Variants in FRMPD4 observed in about 807,000 individuals in gnomAD.
The protein encoded by FRMPD4 is FERM and PDZ domain-containing protein 4.
A neutral mutation model predicts 94.1 loss-of-function variants in FRMPD4; 22 were observed. That is an observed-to-expected ratio of 0.23 (90% CI 0.17 to 0.33). FRMPD4 has a LOEUF of 0.33. Among genes scored for constraint, FRMPD4 ranks in the 10% least tolerant of loss-of-function variants. The probability of loss-of-function intolerance (pLI) is 1.00; values close to 1 mark genes in which losing one functional copy is unlikely to be tolerated. For synonymous variants in FRMPD4, 631 were observed against 548.6 expected, an observed-to-expected ratio of 1.15 and a Z score of -2.10; for missense variants, 1,111 against 1,339.9, an observed-to-expected ratio of 0.83 and a Z score of 2.67.
intron 3 of FRMPD4, among the ~76,000 whole-genome samples, chrX:11,975,104 G>A (rs2054360200): frequency 8.9e-6 from 1 of 111,821 alleles, no homozygotes; most frequent in African/African-American, 3.3e-5. Flanking sequence ...TTTGTTCTCT[G>A]TGTTCTTTCA....
intron 3 of FRMPD4, among the ~76,000 whole-genome samples, chrX:12,038,113 A>G (rs1173579697): frequency 1.8e-5 from 2 of 112,278 alleles, no homozygotes; most frequent in African/African-American, 6.5e-5. Context: ...ATTTTGACAT[A>G]TAATTTCATT....
intron 2 of FRMPD4, among the ~76,000 whole-genome samples, chrX:12,550,892 T>G (rs1231674896): frequency 1.9e-5 from 2 of 104,483 alleles, no homozygotes; most frequent in African/African-American, 6.9e-5. Flanking sequence ...ATATATTCCC[T>G]TTTATATTGT....
chrX:11,973,349 T>C (rs1159892213), intron 3 of FRMPD4, among the ~76,000 whole-genome samples: 2 of 112,176 alleles, frequency 1.8e-5, no homozygotes, highest in Admixed American at 1.9e-4. Flanking sequence ...GCTAATTTTG[T>C]GTGTACTGCC....
intron 1 of FRMPD4, among the ~76,000 whole-genome samples, chrX:12,445,073 C>T (rs769896894): frequency 4.5e-5 from 5 of 111,936 alleles, no homozygotes; most frequent in Non-Finnish European, 9.4e-5. Flanking sequence ...TAGCTGGCTC[C>T]AGGGCTTTCA....
intron 2 of FRMPD4, among the ~76,000 whole-genome samples, chrX:12,565,494 A>G (rs1423258088): frequency 2.7e-5 from 3 of 112,310 alleles, no homozygotes; most frequent in African/African-American, 9.7e-5. Flanking sequence ...CTTTACAAAA[A>G]TCCATAACCT....
At chrX:12,031,324 A>G (rs2054690295) in intron 3 of FRMPD4, among the ~76,000 whole-genome samples, 1 of 112,431 alleles carries the variant, frequency 8.9e-6, no homozygotes, top group Non-Finnish European at 1.9e-5. Context: ...TAAATTCTAC[A>G]AGAGATATTT....
chrX:12,384,727 G>A (rs1408288458), intron 1 of FRMPD4, among the ~76,000 whole-genome samples: 1 of 111,437 alleles, frequency 9.0e-6, no homozygotes, highest in Non-Finnish European at 1.9e-5. Flanking sequence ...GAGTATTACA[G>A]GAAAACAAGG....
chrX:12,236,256 A>G, intron 1 of FRMPD4, among the ~76,000 whole-genome samples: 1 of 111,934 alleles, frequency 8.9e-6, no homozygotes, highest in Admixed American at 9.5e-5. Context: ...TTATCAAACC[A>G]TACAGTGTTA....
At chrX:12,579,591 G>A (rs774403733) in intron 2 of FRMPD4, among the ~76,000 whole-genome samples, 2 of 111,873 alleles carry the variant, frequency 1.8e-5, no homozygotes, top group African/African-American at 6.5e-5. Flanking sequence ...CAGATGTTTA[G>A]CTTTCTAGCT....
At chrX:12,448,955 A>T (rs183464718) in intron 1 of FRMPD4, among the ~76,000 whole-genome samples, 2 of 111,286 alleles carry the variant, frequency 1.8e-5, no homozygotes, top group Admixed American at 9.6e-5. Flanking sequence ...TGAACAGCCC[A>T]CCTCTGCTCA....
intron 2 of FRMPD4, among the ~76,000 whole-genome samples, chrX:12,540,391 G>C (rs1259192926): frequency 1.8e-5 from 2 of 111,661 alleles, no homozygotes; most frequent in African/African-American, 6.5e-5. Flanking sequence ...AGGGATGGAG[G>C]AAGATCTACC....
At chrX:12,649,455 A>G (rs941703051) in intron 4 of FRMPD4, among the ~76,000 whole-genome samples, 1 of 111,799 alleles carries the variant, frequency 8.9e-6, no homozygotes, top group African/African-American at 3.3e-5. Context: ...CTCATATGCT[A>G]TCTGCCTACT....
chrX:12,470,804 A>G (rs373447184), intron 1 of FRMPD4, among the ~76,000 whole-genome samples: 10 of 111,775 alleles, frequency 8.9e-5, no homozygotes, highest in African/African-American at 2.0e-4. Flanking sequence ...TACATTTATC[A>G]CATTAGAAGT....
chrX:12,131,425 G>A (rs1356345140), intron 3 of FRMPD4, among the ~76,000 whole-genome samples: 2 of 111,744 alleles, frequency 1.8e-5, no homozygotes, highest in African/African-American at 3.3e-5. Context: ...GGAAGGAAAC[G>A]AGAACAGGAC....
At chrX:12,694,730 T>C (rs1292288034) in intron 9 of FRMPD4, among the ~76,000 whole-genome samples, 1 of 112,355 alleles carries the variant, frequency 8.9e-6, no homozygotes, top group East Asian at 2.8e-4. Flanking sequence ...CTTTAGTATA[T>C]ACACGTTTTC....
intron 1 of FRMPD4, among the ~76,000 whole-genome samples, chrX:12,310,893 A>G (rs1298965283): frequency 8.9e-6 from 1 of 112,429 alleles, no homozygotes. Flanking sequence ...CTTGAATTTT[A>G]TATGTCTCAT....
intron 3 of FRMPD4, among the ~76,000 whole-genome samples, chrX:12,077,142 T>A (rs189098849): frequency 8.9e-6 from 1 of 112,230 alleles, no homozygotes; most frequent in East Asian, 2.8e-4. Context: ...TGTTCTTTTG[T>A]GTACTTGAAT....
chrX:12,290,012 C>T (rs370128890), intron 1 of FRMPD4, among the ~76,000 whole-genome samples: 9 of 111,661 alleles, frequency 8.1e-5, no homozygotes, highest in African/African-American at 2.6e-4. Context: ...AAGGAACTTT[C>T]CCCAGAGCCA....
At chrX:12,640,750 G>A (rs73196397) in intron 4 of FRMPD4, among the ~76,000 whole-genome samples, 2,245 of 111,755 alleles carry the variant, frequency 0.02, 24 homozygotes, top group Middle Eastern at 0.033. Context: ...ATACTTCTTA[G>A]AGTCTTCTTT....
Sources: allele counts gnomAD v4.1 joint callset (sites outside exome capture counted in the v4.1 genomes callset), GRCh38; gene constraint gnomAD v4.1.1; transcripts MANE v1.5; gene names NCBI Gene and HGNC (gene_info 2026-07-23, HGNC 2026-07-21).